The following TAS1R2 variants were observed in gnomAD, a reference collection of about 807,000 sequenced individuals.
TAS1R2 encodes taste 1 receptor member 2, also known as taste receptor type 1 member 2.
Under a neutral mutation model 49.3 loss-of-function variants are expected in TAS1R2, and 47 were observed. That is an observed-to-expected ratio of 0.95 (90% CI 0.75 to 1.22). The LOEUF (loss-of-function observed/expected upper bound fraction) is 1.22, where lower values mean the gene tolerates loss of function less well. Ranked by LOEUF, TAS1R2 falls within the 50% of genes most tolerant of loss-of-function variation. The pLI, the probability that TAS1R2 is intolerant of heterozygous loss-of-function variation, is 0.00. For missense variants in TAS1R2, 1,155 were observed against 1,122.1 expected, an observed-to-expected ratio of 1.03 and a Z score of -0.42; for synonymous variants, 479 against 467.9, an observed-to-expected ratio of 1.02 and a Z score of -0.31.
Position 18,846,195 on chromosome 1 carries a change from C to T in TAS1R2, c.1467+3146G>A, listed in dbSNP as rs74391487. ...CTGTGTCTTGTATTCTGCCCTAAGG[C>T]TGCAGTATGAAATGCCCATGGGAGG... On this transcript the variant is annotated intron_variant, in intron 4 of 5. Transcript: ENST00000375371. Among the ~76,000 whole-genome samples the T allele has an allele frequency of 3.2e-3, 484 of 152,340 alleles. 3 individuals are homozygous for T. The highest frequency in any genetic ancestry group is 0.011 in the African/African-American group (456 of 41,578).
rs776534722 is a variant in TAS1R2 at position 18,857,519 on chromosome 1, C to T, written c.295G>A (p.Val99Met). ...TTGTTGGAGATGTAGCACACATCCA[C>T]GATCTCATAGCCCAGCAGCACACCA... The change falls in exon 2 of 6, where the codon GTG (valine) becomes ATG (methionine). Residue 99 changes from valine to methionine, a missense_variant. Val to Met is a conservative substitution (Grantham distance 21). Coordinates refer to ENST00000375371, the Ensembl canonical transcript of TAS1R2. 15 of 1,614,068 alleles carry T rather than the reference C, an allele frequency of 9.3e-6. No individual in the cohort carries two copies. Among genetic ancestry groups the T allele is most frequent in the Admixed American group, 6.7e-5 (4 of 60,008 alleles).
chr1:18,840,390 A>G (rs772799766), exon 6 of TAS1R2: 1 of 1,614,116 alleles, frequency 6.2e-7, no homozygotes, highest in South Asian at 1.1e-5. Context: ...GTGCTGAGGA[A>G]GCCCAGGGCG....
chr1:18,857,472 G>T, exon 2 of TAS1R2: 1 of 1,614,208 alleles, frequency 6.2e-7, no homozygotes, highest in Non-Finnish European at 8.5e-7. Flanking sequence ...CGTGTGCCAG[G>T]AAGTAGAGCA....
At position 18,857,636 on chromosome 1, in the gene TAS1R2, AG is replaced by A; in HGVS notation, c.183-6del. On this transcript the variant is annotated splice_polypyrimidine_tract_variant and splice_region_variant and intron_variant, in intron 1 of 5. Coordinates refer to ENST00000375371, the Ensembl canonical transcript of TAS1R2. ...CCTATCACCTTCACTTCATACCTGGAGGGGCCACAGCATCATGAGGTGGAAG... is the reference window on the plus strand; with the variant it reads ...CCTATCACCTTCACTTCATACCTGGAGGGCCACAGCATCATGAGGTGGAAG... The A allele has an allele frequency of 6.2e-7, 1 of 1,609,274 alleles. No individual in the cohort carries two copies. The highest frequency in any genetic ancestry group is 8.5e-7 in the Non-Finnish European group (1 of 1,177,452).
chr1:18,839,659 C>T, exon 6 of TAS1R2: 1 of 1,614,190 alleles, frequency 6.2e-7, no homozygotes, highest in South Asian at 1.1e-5. Context: ...GCGTGTTGCG[C>T]TCCGGGTAGA....
intron 4 of TAS1R2, among the ~76,000 whole-genome samples, chr1:18,843,278 A>G (rs989963202): frequency 5.9e-5 from 9 of 152,222 alleles, no homozygotes; most frequent in African/African-American, 2.2e-4. Flanking sequence ...TCCAAGTAAG[A>G]CCTATGAATG....
chr1:18,845,356 G>T (rs1014023655), intron 4 of TAS1R2, among the ~76,000 whole-genome samples: 1 of 152,206 alleles, frequency 6.6e-6, no homozygotes, highest in African/African-American at 2.4e-5. Flanking sequence ...CCTTTAAGAT[G>T]AAGTTTTGAA....
Position 18,849,328 on chromosome 1 carries a change from C to T in TAS1R2, c.1467+13G>A. On this transcript the variant is annotated intron_variant, in intron 4 of 5. Coordinates refer to ENST00000375371, the Ensembl canonical transcript of TAS1R2. ...GCCCCAGGCCTGCCCACCCACCAGG[C>T]CCCCTGGCTGACCGTGTTGTTGATG... The T allele has an allele frequency of 3.1e-6, 5 of 1,613,162 alleles. No individual in the cohort carries two copies. The highest frequency in any genetic ancestry group is 3.4e-6 in the Non-Finnish European group (4 of 1,179,904).
chr1:18,841,748 G>T, exon 5 of TAS1R2: 1 of 1,613,830 alleles, frequency 6.2e-7, no homozygotes, highest in Non-Finnish European at 8.5e-7. Flanking sequence ...GGTTGAGGAA[G>T]GTGCCGGGAA....
At chr1:18,848,089 G>A (rs922203311) in intron 4 of TAS1R2, among the ~76,000 whole-genome samples, 4 of 152,178 alleles carry the variant, frequency 2.6e-5, no homozygotes, top group African/African-American at 4.8e-5. Flanking sequence ...GGAGCTACAA[G>A]ATGAGATTTG....
chr1:18,849,256 C>A, intron 4 of TAS1R2, 85 bp downstream of exon 4: 1 of 1,410,132 alleles, frequency 7.1e-7, no homozygotes, highest in Non-Finnish European at 9.8e-7. Context: ...CAGGCTCTGT[C>A]CCTAATGAAA....
chr1:18,843,908 C>A (rs1933871836), intron 4 of TAS1R2, among the ~76,000 whole-genome samples: 1 of 152,180 alleles, frequency 6.6e-6, no homozygotes, highest in Non-Finnish European at 1.5e-5. Flanking sequence ...CCAGTGGGTC[C>A]AAGTAAATTT....
intron 5 of TAS1R2, among the ~76,000 whole-genome samples, chr1:18,841,347 T>C (rs1354051345): frequency 6.6e-6 from 1 of 152,230 alleles, no homozygotes; most frequent in Non-Finnish European, 1.5e-5. Context: ...GATGGTGTCT[T>C]CCCTGTCTGC....
intron 3 of TAS1R2, among the ~76,000 whole-genome samples, chr1:18,852,355 G>A (rs1002306171): frequency 6.6e-6 from 1 of 152,148 alleles, no homozygotes; most frequent in Non-Finnish European, 1.5e-5. Context: ...GCCCATTCAG[G>A]CCACAAAGCC....
chr1:18,854,287 C>A lies in TAS1R2; in HGVS notation c.1183G>T (p.Val395Leu), dbSNP rs1185732354. The A allele has an allele frequency of 6.2e-7, 1 of 1,614,190 alleles. No individual in the cohort carries two copies. ...AGGAGGCTGTGCAGGGCATGGGCCA[C>A]AGCATAGACCGCAGAGTACACGCTG... Residue 395 changes from valine to leucine, a missense_variant, in exon 3 of 6, where the codon GTG (valine) becomes TTG (leucine). Transcript: ENST00000375371. The surrounding 1 kb of genome is among the most constrained non-coding windows in gnomAD (Gnocchi z 4.9).
exon 4 of TAS1R2, chr1:18,849,425 G>C: frequency 6.2e-7 from 1 of 1,614,246 alleles, no homozygotes; most frequent in Non-Finnish European, 8.5e-7. Flanking sequence ...CGCTCTGGAA[G>C]GGATTCTGGC....
intron 3 of TAS1R2, among the ~76,000 whole-genome samples, chr1:18,853,287 A>G (rs1248113179): frequency 1.3e-5 from 2 of 152,212 alleles, no homozygotes; most frequent in East Asian, 3.8e-4. Flanking sequence ...AGCACCCATG[A>G]TAATTATGTA....
chr1:18,854,301 G>A lies in TAS1R2; in HGVS notation c.1169C>T (p.Ser390Phe). The A allele has an allele frequency of 1.2e-6, 2 of 1,614,184 alleles. No homozygotes were observed. The highest frequency in any genetic ancestry group is 1.1e-5 in the South Asian group (1 of 91,080). The change falls in exon 3 of 6, where the codon TCT (serine) becomes TTT (phenylalanine). Residue 390 changes from serine (S) to phenylalanine (F), a missense_variant. Ser to Phe is a radical substitution (Grantham distance 155). Coordinates refer to ENST00000375371, the Ensembl canonical transcript of TAS1R2. The surrounding 1 kb of genome is among the most constrained non-coding windows in gnomAD (Gnocchi z 4.9). ...GGCATGGGCCACAGCATAGACCGCAGAGTACACGCTGTAGACGACACGCTC... is the reference window on the plus strand; with the variant it reads ...GGCATGGGCCACAGCATAGACCGCAAAGTACACGCTGTAGACGACACGCTC...
intron 2 of TAS1R2, among the ~76,000 whole-genome samples, chr1:18,856,424 C>T (rs1017427952): frequency 8.5e-5 from 13 of 152,268 alleles, no homozygotes; most frequent in African/African-American, 3.1e-4. Context: ...GCCAGACACC[C>T]CCACCCTGCC....
Sources: allele counts gnomAD v4.1 joint callset (sites outside exome capture counted in the v4.1 genomes callset), GRCh38; gene constraint gnomAD v4.1.1; non-coding constraint Gnocchi (gnomAD v3.1); transcripts MANE v1.5; gene names NCBI Gene and HGNC (gene_info 2026-07-23, HGNC 2026-07-21).